INPP4B: variants seen among roughly 807,000 people sequenced by gnomAD.
INPP4B encodes inositol polyphosphate-4-phosphatase type II B.
Under a neutral mutation model 122.5 loss-of-function variants are expected in INPP4B, and 55 were observed. The observed-to-expected ratio is 0.45, with a 90% CI of 0.36 to 0.56. INPP4B has a LOEUF of 0.56. Among genes scored for constraint, INPP4B ranks in the 20% least tolerant of loss-of-function variants. INPP4B has a pLI of 0.00. For missense variants in INPP4B, 1,000 were observed against 1,097.7 expected, an observed-to-expected ratio of 0.91 and a Z score of 1.26; for synonymous variants, 403 against 388.7, an observed-to-expected ratio of 1.04 and a Z score of -0.43.
At chr4:142,034,480 C>T (rs1181605551) in intron 25 of INPP4B, among the ~76,000 whole-genome samples, 1 of 152,060 alleles carries the variant, frequency 6.6e-6, no homozygotes, top group African/African-American at 2.4e-5. Context: ...TCTCTTTCCA[C>T]ATCTCCTGTC....
chr4:142,743,422 T>G (rs1228196743), intron 1 of INPP4B, among the ~76,000 whole-genome samples: 2 of 151,944 alleles, frequency 1.3e-5, no homozygotes, highest in Non-Finnish European at 2.9e-5. Flanking sequence ...TGAGCAGAAT[T>G]CCCTGTGAAT....
intron 3 of INPP4B, among the ~76,000 whole-genome samples, chr4:142,444,830 A>T (rs1812562086): frequency 6.6e-6 from 1 of 152,176 alleles, no homozygotes; most frequent in Non-Finnish European, 1.5e-5. Context: ...ATGCAGCCAC[A>T]AAAAGAAAAA....
chr4:142,796,912 GTGTC>G (rs754876736), intron 1 of INPP4B, among the ~76,000 whole-genome samples: 5,900 of 103,874 alleles, frequency 0.057, 180 homozygotes, highest in South Asian at 0.14. Flanking sequence ...GTGTGTGTGT[GTGTC>G]TGTGTGTAAT....
intron 2 of INPP4B, among the ~76,000 whole-genome samples, chr4:142,479,419 T>C (rs1820213109): frequency 6.6e-6 from 1 of 152,140 alleles, no homozygotes; most frequent in South Asian, 2.1e-4. Flanking sequence ...TCAAAGAACC[T>C]GAAACAGAAG....
At chr4:142,199,047 G>T (rs927531492) in intron 14 of INPP4B, among the ~76,000 whole-genome samples, 1 of 151,894 alleles carries the variant, frequency 6.6e-6, no homozygotes, top group Admixed American at 6.6e-5. Flanking sequence ...ATCTTTATCA[G>T]AGTATTAGTT....
intron 16 of INPP4B, among the ~76,000 whole-genome samples, chr4:142,173,029 G>C (rs1171085502): frequency 6.6e-6 from 1 of 151,890 alleles, no homozygotes; most frequent in East Asian, 1.9e-4. Flanking sequence ...TCTACCCCAT[G>C]CCAGACTAGC....
intron 3 of INPP4B, among the ~76,000 whole-genome samples, chr4:142,452,198 C>T (rs898558227): frequency 2.0e-5 from 3 of 152,110 alleles, no homozygotes; most frequent in Admixed American, 1.3e-4. Flanking sequence ...ATGATGGTTT[C>T]CAGCTTTGTC....
Position 142,314,764 on chromosome 4 carries a change from T to G in INPP4B, c.373-2A>C, listed in dbSNP as rs909763932. 6.3e-7 allele frequency: 1 copy of G among 1,593,668 alleles called. No homozygotes were observed. Among genetic ancestry groups the G allele is most frequent in the Non-Finnish European group, 8.5e-7 (1 of 1,172,574 alleles). ...TTCTGGTAGGACACTGGTTCGAACC[T>G]GTGGAGAAAAACATTTTCTGTAAGA... is the stretch of plus-strand genomic sequence containing the variant. On this transcript the variant is annotated splice_acceptor_variant, in intron 7 of 25. Coordinates refer to ENST00000262992, the MANE Select transcript of INPP4B (RefSeq NM_001101669.3). LOFTEE classifies it high-confidence loss of function.
chr4:142,681,598 G>C (rs1341213963), intron 2 of INPP4B, among the ~76,000 whole-genome samples: 1 of 151,762 alleles, frequency 6.6e-6, no homozygotes, highest in Non-Finnish European at 1.5e-5. Context: ...AAGAGGAAGG[G>C]AGAGTGACAG....
At chr4:142,095,413 T>C (rs1399364222) in intron 23 of INPP4B, among the ~76,000 whole-genome samples, 10 of 152,230 alleles carry the variant, frequency 6.6e-5, no homozygotes, top group African/African-American at 2.4e-5. Context: ...TGATGTTTCA[T>C]TGAAGGTTAG....
intron 2 of INPP4B, among the ~76,000 whole-genome samples, chr4:142,609,040 C>T (rs1054841731): frequency 2.0e-5 from 3 of 152,002 alleles, no homozygotes; most frequent in South Asian, 2.1e-4. Context: ...ACATGAAGTG[C>T]CTTTTTCTTC....
rs929295612 is a variant in INPP4B at position 142,070,793 on chromosome 4, C to T, written c.2642+11238G>A. On this transcript the variant is annotated intron_variant, in intron 25 of 25. Coordinates refer to ENST00000262992, the MANE Select transcript of INPP4B (RefSeq NM_001101669.3). ...TCCAAGTTACAAGGGATGTGAAGGA[C>T]CTTTTATGGAGAACTACAAACCACT... 4.6e-5 allele frequency among the ~76,000 whole-genome samples: 7 copies of T among 152,118 alleles called. No homozygotes were observed. The East Asian group carries it at 1.4e-3, about 29-fold the overall frequency.
intron 7 of INPP4B, among the ~76,000 whole-genome samples, chr4:142,375,433 A>T (rs1434103609): frequency 6.6e-6 from 1 of 151,796 alleles, no homozygotes; most frequent in Non-Finnish European, 1.5e-5. Context: ...TTCTGTAAGG[A>T]TGCCTCCCAA....
chr4:142,801,831 G>A (rs1403609954), intron 1 of INPP4B, among the ~76,000 whole-genome samples: 1 of 152,146 alleles, frequency 6.6e-6, no homozygotes, highest in Non-Finnish European at 1.5e-5. Flanking sequence ...GAGCAGGATA[G>A]ACTAAAATAA....
At chr4:142,812,964 T>C (rs995849788) in intron 1 of INPP4B, among the ~76,000 whole-genome samples, 1 of 152,222 alleles carries the variant, frequency 6.6e-6, no homozygotes, top group African/African-American at 2.4e-5. Context: ...ACATTGAATT[T>C]ATATTCATAA....
chr4:142,251,103 T>C (rs191333312), intron 11 of INPP4B, among the ~76,000 whole-genome samples: 5 of 152,316 alleles, frequency 3.3e-5, no homozygotes, highest in Admixed American at 3.3e-4. Context: ...GATCTCTGTG[T>C]CTCTTCTTCC....
At chr4:142,424,022 G>T (rs1403170880) in intron 5 of INPP4B, among the ~76,000 whole-genome samples, 2 of 151,766 alleles carry the variant, frequency 1.3e-5, no homozygotes, top group Non-Finnish European at 2.9e-5. Flanking sequence ...TTCTGAATTT[G>T]GAGCTTTCAT....
chr4:142,550,589 T>TACAC (rs113408746), intron 2 of INPP4B, among the ~76,000 whole-genome samples: 80,268 of 139,532 alleles, frequency 0.58, 23,688 homozygotes, highest in Non-Finnish European at 0.66. Flanking sequence ...ATGTAATATA[T>TACAC]ACACACACAC....
intron 1 of INPP4B, among the ~76,000 whole-genome samples, chr4:142,800,275 A>G (rs1028523738): frequency 2.6e-5 from 4 of 152,154 alleles, no homozygotes; most frequent in Non-Finnish European, 4.4e-5. Flanking sequence ...GTAATAATTT[A>G]TACCAGGCAA....
Sources: allele counts gnomAD v4.1 joint callset (sites outside exome capture counted in the v4.1 genomes callset), GRCh38; gene constraint gnomAD v4.1.1; transcripts MANE v1.5; gene names NCBI Gene and HGNC (gene_info 2026-07-23, HGNC 2026-07-21).